Variants in UBE3B observed in about 807,000 individuals in gnomAD.
The protein encoded by UBE3B is ubiquitin protein ligase E3B.
Under a neutral mutation model 132.3 loss-of-function variants are expected in UBE3B, and 80 were observed. The ratio of observed to expected loss-of-function variants is 0.60; its 90% CI spans 0.50 to 0.73. The LOEUF (loss-of-function observed/expected upper bound fraction) is 0.73, where lower values mean the gene tolerates loss of function less well. UBE3B is among the 30% of genes least tolerant of loss of function. UBE3B has a pLI of 0.00. For missense variants in UBE3B, 1,196 were observed against 1,362.5 expected (o/e 0.88, Z 1.92); for synonymous variants, 487 against 520.4 (o/e 0.94, Z 0.87).
At position 109,516,786 on chromosome 12, in the gene UBE3B, A is replaced by G. The variant is rs750128681; in HGVS notation, c.1978A>G (p.Met660Val). The G allele has an allele frequency of 1.2e-6, 2 of 1,614,030 alleles. No homozygotes were observed. The highest frequency in any genetic ancestry group is 8.5e-7 in the Non-Finnish European group (1 of 1,179,998). Residue 660 changes from methionine to valine, a missense_variant, in exon 19 of 28, where the codon ATG (methionine) becomes GTG (valine). By Grantham distance (21) the Met-to-Val change is conservative (BLOSUM62 1). Transcript: ENST00000342494. The part of the protein sequence containing the change: ...HKNRVLLFRT[M>V]VTKEKEKLGL... ...TTAGAGAGTTCTACTGTTTCGAACCATGGTTACCAAGGAGAAGGAGAAACT... is the reference window on the plus strand; with the variant it reads ...TTAGAGAGTTCTACTGTTTCGAACCGTGGTTACCAAGGAGAAGGAGAAACT...
At chr12:109,491,276 A>G in intron 9 of UBE3B, 149 bp downstream of exon 9, 1 of 586,600 alleles carries the variant, frequency 1.7e-6, no homozygotes, top group Non-Finnish European at 2.8e-6. Context: ...AAGTGAGCAC[A>G]TTTGTGACTG....
the UBE3B span, among the ~76,000 whole-genome samples, chr12:109,547,570 A>G: frequency 6.6e-6 from 1 of 152,252 alleles, no homozygotes; most frequent in Non-Finnish European, 1.5e-5. This position sits in a 1 kb window ranked among gnomAD's most constrained non-coding sequence, Gnocchi z 4.1. Context: ...GTATTCAATT[A>G]TAGGTTTAGC....
the UBE3B span, among the ~76,000 whole-genome samples, chr12:109,542,920 G>A: frequency 6.6e-6 from 1 of 152,182 alleles, no homozygotes; most frequent in Non-Finnish European, 1.5e-5. Context: ...AGACCAGACA[G>A]ATTTGTCACA....
At chr12:109,544,093 G>C in the UBE3B span, among the ~76,000 whole-genome samples, 1 of 152,154 alleles carries the variant, frequency 6.6e-6, no homozygotes, top group Admixed American at 6.5e-5. Flanking sequence ...TTAAAGAAGA[G>C]AGCGAGCTGG....
Position 109,490,019 on chromosome 12 carries a change from C to T in UBE3B, c.630+15C>T, listed in dbSNP as rs757680127. ...CTGTGCTGCAGGTCTGTGACTCCTG[C>T]CCCCCAGTGTGCAACTTCTCCACTC... On this transcript the variant is annotated intron_variant, in intron 8 of 27. Coordinates refer to ENST00000342494, the MANE Select transcript of UBE3B (RefSeq NM_130466.4). 12 of 1,612,074 alleles carry T rather than the reference C, an allele frequency of 7.4e-6. No homozygotes were observed. The highest frequency in any genetic ancestry group is 2.2e-5 in the South Asian group (2 of 91,050).
At chr12:109,543,847 G>T in the UBE3B span, among the ~76,000 whole-genome samples, 1 of 151,990 alleles carries the variant, frequency 6.6e-6, no homozygotes, top group Non-Finnish European at 1.5e-5. Context: ...AAAAAAAAGT[G>T]GGGGGTAGCA....
At chr12:109,537,975 A>G (rs1378097981), downstream of UBE3B, among the ~76,000 whole-genome samples, 1 of 152,228 alleles carries the variant, frequency 6.6e-6, no homozygotes, top group Non-Finnish European at 1.5e-5. Flanking sequence ...TGCTGGGATT[A>G]CAGGCGTGAG....
chr12:109,483,146 C>T (rs1019257235), intron 2 of UBE3B, among the ~76,000 whole-genome samples: 6 of 152,210 alleles, frequency 3.9e-5, no homozygotes, highest in South Asian at 2.1e-4. Flanking sequence ...CTGTGGACTA[C>T]TCCAGAAAAT....
intron 25 of UBE3B, 58 bp from the exon 26 acceptor site, chr12:109,530,489 C>G (rs1466641503): frequency 1.4e-6 from 2 of 1,472,690 alleles, no homozygotes; most frequent in East Asian, 4.5e-5. Flanking sequence ...GACCTGCCTG[C>G]CTGTCCATAA....
At chr12:109,507,246 A>G (rs1265901475) in intron 14 of UBE3B, among the ~76,000 whole-genome samples, 1 of 152,212 alleles carries the variant, frequency 6.6e-6, no homozygotes, top group Non-Finnish European at 1.5e-5. Flanking sequence ...ATTTGGGGCC[A>G]ATTATTTAAC....
At chr12:109,516,541 C>T (rs1037965183) in intron 18 of UBE3B, among the ~76,000 whole-genome samples, 4 of 152,232 alleles carry the variant, frequency 2.6e-5, no homozygotes, top group East Asian at 3.9e-4. Context: ...CCACTCTTTC[C>T]GGAACGTTTT....
intron 26 of UBE3B, among the ~76,000 whole-genome samples, chr12:109,531,860 C>T (rs910657046): frequency 6.6e-6 from 1 of 152,110 alleles, no homozygotes; most frequent in Non-Finnish European, 1.5e-5. Flanking sequence ...AGTGTCTCAT[C>T]ATTGTGCAGG....
At position 109,480,456 on chromosome 12, in the gene UBE3B, A is replaced by G. The variant is rs550637209; in HGVS notation, c.-127-1181A>G. ...TGAGCCCAGGAGTTTGAGACCACCA[A>G]CCTGGGCAATATAGCGAGACCCCAC... On this transcript the variant is annotated intron_variant, in intron 1 of 27. Transcript: ENST00000342494. Among the ~76,000 whole-genome samples, 271 of 152,174 alleles carry G rather than the reference A, an allele frequency of 1.8e-3. 5 individuals carry two copies. The highest frequency in any genetic ancestry group is 6.2e-3 in the African/African-American group (259 of 41,536).
intron 4 of UBE3B, among the ~76,000 whole-genome samples, chr12:109,484,650 A>G (rs1308390396): frequency 6.6e-6 from 1 of 151,298 alleles, no homozygotes; most frequent in Non-Finnish European, 1.5e-5. Context: ...TCAGCCTCCC[A>G]GAGTGCTGGG....
the UBE3B span, among the ~76,000 whole-genome samples, chr12:109,542,696 C>A: frequency 6.6e-6 from 1 of 152,138 alleles, no homozygotes; most frequent in Non-Finnish European, 1.5e-5. Flanking sequence ...ACCTTCAGGC[C>A]AAGGAACGCA....
intron 24 of UBE3B, among the ~76,000 whole-genome samples, chr12:109,526,883 A>AT (rs1555270227): frequency 1.6e-4 from 24 of 151,114 alleles, no homozygotes; most frequent in South Asian, 2.1e-4. Flanking sequence ...AAAAAAAAAA[A>AT]AATTGATTTG....
intron 6 of UBE3B, among the ~76,000 whole-genome samples, chr12:109,486,932 A>G (rs1876593367): frequency 6.6e-6 from 1 of 152,222 alleles, no homozygotes; most frequent in Non-Finnish European, 1.5e-5. Flanking sequence ...GTACCAGTTA[A>G]GCAAGGAAGA....
rs1158831329 is a variant in UBE3B, at chr12:109,535,590, T to C, written c.*808T>C. On this transcript the variant is annotated 3_prime_UTR_variant, in exon 28 of 28. Transcript: ENST00000342494. ...GTGCTGCCTGTTCCCCAAAGCCTGCTTGTCCCGCGGAGGACGGCTGCCTTT... is the reference window on the plus strand; with the variant it reads ...GTGCTGCCTGTTCCCCAAAGCCTGCCTGTCCCGCGGAGGACGGCTGCCTTT... 2 of 152,290 alleles carry C rather than the reference T, an allele frequency of 1.3e-5. No individual in the cohort carries two copies. The highest frequency in any genetic ancestry group is 2.9e-5 in the Non-Finnish European group (2 of 68,078). The allele number at this position is 152,290 out of a possible 1,614,324, so 9.4% of individuals were successfully genotyped here. A position where few individuals can be genotyped will look rare whatever the true frequency, so the allele number is the denominator to read the frequency against.
intron 8 of UBE3B, chr12:109,490,733 AAGAGTGGT>A (rs2135840794): frequency 7.0e-7 from 1 of 1,418,972 alleles, no homozygotes; most frequent in African/African-American, 1.4e-5. Context: ...TATTTAGAGA[AAGAGTGGT>A]AGAGTTAACC....
Sources: allele counts gnomAD v4.1 joint callset (sites outside exome capture counted in the v4.1 genomes callset), GRCh38; gene constraint gnomAD v4.1.1; non-coding constraint Gnocchi (gnomAD v3.1); transcripts MANE v1.5; gene names NCBI Gene and HGNC (gene_info 2026-07-23, HGNC 2026-07-21).